Variants in STOX2 observed in about 807,000 individuals in gnomAD.
The protein encoded by STOX2 is storkhead-box protein 2.
In STOX2, 28 loss-of-function variants were observed where a neutral mutation model predicts 60.9. That is an observed-to-expected ratio of 0.46 (90% CI 0.34 to 0.63). STOX2 has a LOEUF of 0.63. Among genes scored for constraint, STOX2 ranks in the 30% least tolerant of loss-of-function variants. STOX2 has a pLI of 0.01. For missense variants in STOX2, 1,024 were observed against 1,187.7 expected, an observed-to-expected ratio of 0.86 and a Z score of 2.03; for synonymous variants, 472 against 463.9, an observed-to-expected ratio of 1.02 and a Z score of -0.22.
In STOX2 at chr4:184,017,123, A is replaced by C; in HGVS notation, c.2620A>C (p.Ile874Leu). 1 of 1,613,672 alleles carries C rather than the reference A, an allele frequency of 6.2e-7. No homozygotes were observed. The highest frequency in any genetic ancestry group is 2.2e-5 in the East Asian group (1 of 44,866). Residue 874 changes from isoleucine (I) to leucine (L), a missense_variant, in exon 4 of 4, where the codon ATT becomes CTT. This residue lies in a region of STOX2 where 922 missense variants were observed against 1,058.3 expected (regional missense o/e 0.87). Transcript: ENST00000308497. ...RESLASNTSSIVESNRRQNPA... is the reference protein window; with the variant it reads ...RESLASNTSSLVESNRRQNPA... ...GAGCCTGGCTTCCAACACATCAAGCATTGTTGAAAGTAACCGTCGTCAGAA... is the reference window on the plus strand; with the variant it reads ...GAGCCTGGCTTCCAACACATCAAGCCTTGTTGAAAGTAACCGTCGTCAGAA...
Position 184,022,898 on chromosome 4 carries a change from G to A in STOX2, c.*5614G>A, listed in dbSNP as rs1313367620. ...TGGGTTAGGAATAGAGCTGCCCTAG[G>A]GTCACCTTCATGCAAGTATTGACAG... On this transcript the variant is annotated 3_prime_UTR_variant, in exon 4 of 4. Transcript: ENST00000308497. 1 of 152,114 alleles carries A rather than the reference G, an allele frequency of 6.6e-6. No homozygotes were observed. Among genetic ancestry groups the A allele is most frequent in the Non-Finnish European group, 1.5e-5 (1 of 68,030 alleles). 9.4% of individuals were successfully genotyped at this position (152,114 alleles called of 1,614,324 possible).
chr4:183,987,005 G>A (rs896981771), intron 1 of STOX2, among the ~76,000 whole-genome samples: 7 of 152,192 alleles, frequency 4.6e-5, no homozygotes, highest in Non-Finnish European at 1.5e-5. Context: ...TCATGAGGAT[G>A]TGGGAGAATT....
At chr4:183,967,618 T>A (rs545670823) in intron 1 of STOX2, among the ~76,000 whole-genome samples, 5 of 152,156 alleles carry the variant, frequency 3.3e-5, no homozygotes, top group African/African-American at 7.2e-5. Context: ...CTAACTTAGA[T>A]AACTTGTTGT....
intron 1 of STOX2, among the ~76,000 whole-genome samples, chr4:183,977,651 A>G (rs957378067): frequency 6.6e-6 from 1 of 151,936 alleles, no homozygotes; most frequent in African/African-American, 2.4e-5. Context: ...CAATAAACAT[A>G]CAAGTGCAGG....
In STOX2 at chr4:183,837,632, T is replaced by C. The variant is rs547823686; in HGVS notation, c.364+39577T>C. On this transcript the variant is annotated intron_variant, in intron 1 of 2. Coordinates refer to the STOX2 transcript ENST00000513034. Reference sequence around the variant, plus strand: ...CACCACCACGCCTGGCTAATTTTTGTATTTTTGGTGGAGATGAGGTTTCAC... The same window carrying C: ...CACCACCACGCCTGGCTAATTTTTGCATTTTTGGTGGAGATGAGGTTTCAC... Among the ~76,000 whole-genome samples, 4 of 152,224 alleles carry C rather than the reference T, an allele frequency of 2.6e-5. No homozygotes were observed. In the South Asian group the frequency reaches 8.3e-4, roughly 32 times the overall value.
At chr4:183,862,038 G>C (rs1300331590) in intron 1 of STOX2, among the ~76,000 whole-genome samples, 3 of 152,178 alleles carry the variant, frequency 2.0e-5, no homozygotes, top group Non-Finnish European at 4.4e-5. Context: ...ACTTCGTGAG[G>C]GTTTCCTAGA....
At chr4:183,876,186 G>A (rs564165800) in intron 1 of STOX2, among the ~76,000 whole-genome samples, 1 of 152,314 alleles carries the variant, frequency 6.6e-6, no homozygotes, top group African/African-American at 2.4e-5. Flanking sequence ...GGCCCACACA[G>A]TTCTCTGACA....
chr4:183,948,218 CAAAAAAAAA>C lies in STOX2; in HGVS notation c.166+41280_166+41288del, dbSNP rs760286920. 8.0e-3 allele frequency among the ~76,000 whole-genome samples: 240 copies of C among 29,880 alleles called. 1 individual carries two copies. Among genetic ancestry groups the C allele is most frequent in the Middle Eastern group, 0.042 (1 of 24 alleles). The allele number at this position is 29,880 out of a possible 152,430, so 19.6% of individuals were successfully genotyped here. On this transcript the variant is annotated intron_variant, in intron 1 of 3. Transcript: ENST00000308497. ...GGGCAACAAGAGCAAAACTCCATCT[CAAAAAAAAA>C]AAAAAAAAAAAAAAAAACACGAAAA...
chr4:183,814,031 T>C (rs1739097021), intron 1 of STOX2, among the ~76,000 whole-genome samples: 1 of 152,236 alleles, frequency 6.6e-6, no homozygotes, highest in African/African-American at 2.4e-5. Context: ...GTCTTAGAGA[T>C]AGTCCTAGAA....
intron 1 of STOX2, among the ~76,000 whole-genome samples, chr4:183,899,971 G>A (rs1344405114): frequency 6.6e-6 from 1 of 152,172 alleles, no homozygotes. Context: ...GTGACTTTAA[G>A]TTGAAGCCGA....
At chr4:183,991,539 C>A (rs544674959) in intron 1 of STOX2, among the ~76,000 whole-genome samples, 1 of 151,758 alleles carries the variant, frequency 6.6e-6, no homozygotes, top group Admixed American at 6.6e-5. Context: ...GTGATTCTCC[C>A]GCCTCAGCCA....
rs1201900563 is a variant in STOX2 at position 183,857,108 on chromosome 4, G to GTCCCACAGGACTGGTCA, written c.364+59057_364+59073dup. Among the ~76,000 whole-genome samples the GTCCCACAGGACTGGTCA allele has an allele frequency of 8.2e-3, 1,248 of 152,146 alleles. 14 individuals are homozygous for GTCCCACAGGACTGGTCA. Among genetic ancestry groups the GTCCCACAGGACTGGTCA allele is most frequent in the African/African-American group, 0.029 (1,197 of 41,476 alleles). On this transcript the variant is annotated intron_variant, in intron 1 of 2. Coordinates refer to the STOX2 transcript ENST00000513034. ...GATTGGTTGCCCTGTAGGACTGGTT[G>GTCCCACAGGACTGGTCA]TCCCACAGGACTGGTCATCCTGCAG... is the stretch of plus-strand genomic sequence containing the variant.
At chr4:183,896,457 G>A (rs77121027) in intron 1 of STOX2, among the ~76,000 whole-genome samples, 1,846 of 152,246 alleles carry the variant, frequency 0.012, 30 homozygotes, top group African/African-American at 0.039. Context: ...GTGCTCCTGC[G>A]CAGACTCCCA....
intron 1 of STOX2, among the ~76,000 whole-genome samples, chr4:183,925,432 C>T (rs1248360236): frequency 2.6e-5 from 4 of 152,146 alleles, no homozygotes. Context: ...ATACTCCCAC[C>T]TTGGCCTCCC....
At chr4:183,842,071 A>G (rs1423567636) in intron 1 of STOX2, among the ~76,000 whole-genome samples, 13 of 152,222 alleles carry the variant, frequency 8.5e-5, no homozygotes, top group African/African-American at 2.4e-5. Context: ...GCTCATTGCC[A>G]CATATATTCA....
intron 1 of STOX2, among the ~76,000 whole-genome samples, chr4:183,875,903 G>T (rs576887112): frequency 1.3e-5 from 2 of 152,254 alleles, no homozygotes; most frequent in African/African-American, 4.8e-5. Context: ...AAATTTATTT[G>T]TAAAGATGGG....
chr4:184,011,720 T>C lies in STOX2; in HGVS notation c.2585+297T>C. 2 of 999,688 alleles carry C rather than the reference T, an allele frequency of 2.0e-6. No individual in the cohort carries two copies. The highest frequency in any genetic ancestry group is 4.1e-5 in the East Asian group (1 of 24,468). 61.9% of individuals were successfully genotyped at this position (999,688 alleles called of 1,614,324 possible). A position where few individuals can be genotyped will look rare whatever the true frequency, so the allele number is the denominator to read the frequency against. On this transcript the variant is annotated intron_variant, in intron 3 of 3. Transcript: ENST00000308497. This position sits in a 1 kb window ranked among gnomAD's most constrained non-coding sequence, Gnocchi z 4.4. ...CAGTATTTTTTCTGCTACGTTCATA[T>C]TGCCACCCATGCTAAGAGAAGGATG...
chr4:183,902,497 T>C (rs771561827), upstream of STOX2, among the ~76,000 whole-genome samples: 1 of 152,208 alleles, frequency 6.6e-6, no homozygotes, highest in Non-Finnish European at 1.5e-5. Flanking sequence ...GAATACTGGC[T>C]TACAAAACCG....
intron 1 of STOX2, among the ~76,000 whole-genome samples, chr4:183,837,652 T>A (rs1739748454): frequency 1.3e-5 from 2 of 151,952 alleles, no homozygotes; most frequent in African/African-American, 4.8e-5. Flanking sequence ...GGAGATGAGG[T>A]TTCACCATGT....
Sources: allele counts gnomAD v4.1 joint callset (sites outside exome capture counted in the v4.1 genomes callset), GRCh38; gene constraint gnomAD v4.1.1; regional missense constraint gnomAD v4.1.1; non-coding constraint Gnocchi (gnomAD v3.1); transcripts MANE v1.5; gene names NCBI Gene and HGNC (gene_info 2026-07-23, HGNC 2026-07-21).